Variants in LAMC1 observed in about 807,000 individuals in gnomAD.
LAMC1 encodes the protein laminin subunit gamma-1.
In LAMC1, 38 loss-of-function variants were observed where a neutral mutation model predicts 173.6. The ratio of observed to expected loss-of-function variants is 0.22; its 90% CI spans 0.17 to 0.29. The LOEUF (loss-of-function observed/expected upper bound fraction) is 0.29. Ranked by LOEUF, LAMC1 falls within the 10% of genes least tolerant of loss-of-function variation. The pLI is 1.00. For synonymous variants in LAMC1, 746 were observed against 749.1 expected, an observed-to-expected ratio of 1.00 and a Z score of 0.07; for missense variants, 1,824 against 2,051.8, an observed-to-expected ratio of 0.89 and a Z score of 2.14.
intron 2 of LAMC1, among the ~76,000 whole-genome samples, chr1:183,107,486 C>G (rs1656010757): frequency 6.6e-6 from 1 of 152,086 alleles, no homozygotes; most frequent in Non-Finnish European, 1.5e-5. Flanking sequence ...GCATCTCCCT[C>G]AGATCTGTCA....
chr1:183,025,820 A>G (rs571935884), intron 1 of LAMC1, among the ~76,000 whole-genome samples: 1 of 152,366 alleles, frequency 6.6e-6, no homozygotes, highest in South Asian at 2.1e-4. Context: ...TTACTGAACA[A>G]CAGTCTCTTA....
At chr1:183,064,797 G>A (rs1016589863) in intron 1 of LAMC1, among the ~76,000 whole-genome samples, 4 of 152,178 alleles carry the variant, frequency 2.6e-5, no homozygotes, top group Non-Finnish European at 5.9e-5. Context: ...TGAATTTGTA[G>A]TTGACAATAA....
chr1:183,100,740 G>A (rs761847754), intron 1 of LAMC1, among the ~76,000 whole-genome samples: 8 of 152,150 alleles, frequency 5.3e-5, no homozygotes, highest in South Asian at 2.1e-4. Flanking sequence ...TGTATGCGCC[G>A]TTGGGTTGAC....
chr1:183,117,498 C>A, intron 9 of LAMC1, 36 bp from the exon 10 acceptor site: 1 of 1,611,772 alleles, frequency 6.2e-7, no homozygotes, highest in Non-Finnish European at 8.5e-7. Context: ...TAGTCTCAGT[C>A]TCACATTCTT....
chr1:183,025,322 A>G (rs1024351588), intron 1 of LAMC1, among the ~76,000 whole-genome samples: 4 of 118,312 alleles, frequency 3.4e-5, no homozygotes, highest in African/African-American at 1.1e-4. Flanking sequence ...TTCCAGAGAA[A>G]GAATTGGACT....
intron 1 of LAMC1, among the ~76,000 whole-genome samples, chr1:183,077,776 G>GTGTGTGTGTGTGTGTGTGTA: frequency 8.6e-6 from 1 of 116,522 alleles, no homozygotes; most frequent in African/African-American, 2.9e-5. Flanking sequence ...TGGCCATTGT[G>GTGTGTGTGTGTGTGTGTGTA]TATATATATA....
chr1:183,065,454 G>A (rs144008708), intron 1 of LAMC1, among the ~76,000 whole-genome samples: 1 of 152,210 alleles, frequency 6.6e-6, no homozygotes, highest in Non-Finnish European at 1.5e-5. Context: ...CTAGGTTGCA[G>A]TTTGGAAGCA....
At chr1:183,138,256 C>T (rs1657003600) in intron 26 of LAMC1, 8 of 915,530 alleles carry the variant, frequency 8.7e-6, no homozygotes, top group Non-Finnish European at 1.0e-5. Flanking sequence ...GTCTACCACC[C>T]CACCAAAACA....
chr1:183,048,925 C>T (rs935651434), intron 1 of LAMC1, among the ~76,000 whole-genome samples: 2 of 152,152 alleles, frequency 1.3e-5, no homozygotes, highest in Non-Finnish European at 2.9e-5. Flanking sequence ...GATTCTTAGC[C>T]AAGTTGTTAC....
At chr1:183,114,780 A>G in intron 5 of LAMC1, 61 bp downstream of exon 5, 1 of 1,527,310 alleles carries the variant, frequency 6.5e-7, no homozygotes, top group South Asian at 1.2e-5. Flanking sequence ...CCCGGAAAGG[A>G]AAGCTTTGTT....
chr1:183,137,489 T>G (rs75643333), intron 25 of LAMC1, among the ~76,000 whole-genome samples, 180 bp from the exon 26 acceptor site: 70 of 34,612 alleles, frequency 2.0e-3, no homozygotes, highest in African/African-American at 4.8e-3. Flanking sequence ...GGGTAGTAAT[T>G]TTTTTTATGA....
intron 1 of LAMC1, among the ~76,000 whole-genome samples, chr1:183,084,518 G>T (rs866126344): frequency 1.3e-5 from 2 of 152,146 alleles, no homozygotes; most frequent in African/African-American, 2.4e-5. Context: ...TCTGAAACTT[G>T]TATTATCTGA....
chr1:183,038,556 T>TCCC (rs34812197), intron 1 of LAMC1, among the ~76,000 whole-genome samples: 75,968 of 151,714 alleles, frequency 0.5, 19,621 homozygotes, highest in South Asian at 0.64. Context: ...AATGAAGGGA[T>TCCC]AATGATTTCC....
At chr1:183,081,030 A>T (rs1371335819) in intron 1 of LAMC1, among the ~76,000 whole-genome samples, 2 of 152,052 alleles carry the variant, frequency 1.3e-5, no homozygotes, top group Non-Finnish European at 2.9e-5. Flanking sequence ...CTGGGACTAC[A>T]GGTGCCTGCC....
At chr1:183,047,852 A>G (rs567545577) in intron 1 of LAMC1, among the ~76,000 whole-genome samples, 1 of 152,318 alleles carries the variant, frequency 6.6e-6, no homozygotes, top group African/African-American at 2.4e-5. Context: ...CTAGAACATA[A>G]CTTTGTCTTT....
chr1:183,136,424 G>A lies in LAMC1; in HGVS notation c.4153G>A (p.Glu1385Lys). ...TGTGAACGATAACAAGACGGCCGCA[G>A]AGGAGGCACTAAGGAAGATTCCTGC... ...RRVNDNKTAAEEALRKIPAIN... is the reference protein window; with the variant it reads ...RRVNDNKTAAKEALRKIPAIN... The change falls in exon 25 of 28, where the codon GAG (glutamate) becomes AAG (lysine). Residue 1385 changes from glutamate (E) to lysine (K), a missense_variant. Transcript: ENST00000258341. 1 of 1,614,214 alleles carries A rather than the reference G, an allele frequency of 6.2e-7. No individual in the cohort carries two copies. The highest frequency in any genetic ancestry group is 8.5e-7 in the Non-Finnish European group (1 of 1,180,044).
intron 26 of LAMC1, chr1:183,138,311 G>T (rs2274984): frequency 0.58 from 274,357 of 476,440 alleles, 79,466 homozygotes; most frequent in South Asian, 0.65. Context: ...TTGTGATAAT[G>T]TGTATGCAAG....
intron 15 of LAMC1, 99 bp from the exon 16 acceptor site, chr1:183,126,021 A>G (rs1656607590): frequency 1.7e-6 from 2 of 1,152,208 alleles, no homozygotes; most frequent in Non-Finnish European, 1.2e-6. Context: ...GTTTTCTGAT[A>G]CAAGTTACAA....
Position 183,023,738 on chromosome 1 carries a change from G to A in LAMC1, c.22G>A (p.Ala8Thr), listed in dbSNP as rs111899359. The stretch of plus-strand genomic sequence containing the variant: ...CGGGATGAGAGGGAGCCATCGGGCC[G>A]CGCCGGCCCTGCGGCCCCGGGGGCG... MRGSHRA[A>T]PALRPRGRLW... The change falls in exon 1 of 28, where the codon GCG becomes ACG. Residue 8 changes from alanine to threonine, a missense_variant. By Grantham distance (58) the Ala-to-Thr change is moderately conservative. Coordinates refer to ENST00000258341, the MANE Select transcript of LAMC1 (RefSeq NM_002293.4). The A allele has an allele frequency of 8.4e-7, 1 of 1,193,026 alleles. No individual in the cohort carries two copies. The highest frequency in any genetic ancestry group is 1.0e-6 in the Non-Finnish European group (1 of 955,460). The allele number at this position is 1,193,026 out of a possible 1,614,324, so 73.9% of individuals were successfully genotyped here. A position where few individuals can be genotyped will look rare whatever the true frequency, so the allele number is the denominator to read the frequency against.
Sources: allele counts gnomAD v4.1 joint callset (sites outside exome capture counted in the v4.1 genomes callset), GRCh38; gene constraint gnomAD v4.1.1; transcripts MANE v1.5; gene names NCBI Gene and HGNC (gene_info 2026-07-23, HGNC 2026-07-21).